TMEFF2: variants seen among roughly 807,000 people sequenced by gnomAD.
TMEFF2 encodes transmembrane protein with EGF like and two follistatin like domains 2, also known as tomoregulin-2.
In TMEFF2, 28 loss-of-function variants were observed where a neutral mutation model predicts 53.8. The observed-to-expected ratio is 0.52, with a 90% CI of 0.39 to 0.71. The LOEUF (loss-of-function observed/expected upper bound fraction) is 0.71, where lower values mean the gene tolerates loss of function less well. Ranked by LOEUF, TMEFF2 falls within the 30% of genes least tolerant of loss-of-function variation. The pLI is 0.00. For synonymous variants in TMEFF2, 162 were observed against 166.3 expected (o/e 0.97, Z 0.20); for missense variants, 353 against 455.2 (o/e 0.78, Z 2.04).
intron 4 of TMEFF2, among the ~76,000 whole-genome samples, chr2:192,164,895 T>G (rs1254389296): frequency 6.6e-6 from 1 of 152,174 alleles, no homozygotes; most frequent in Admixed American, 6.6e-5. Flanking sequence ...TATTATGCTA[T>G]GTTATCAATG....
At chr2:192,031,356 A>C (rs1687132269) in intron 5 of TMEFF2, 1 of 152,142 alleles carries the variant, frequency 6.6e-6, no homozygotes, top group African/African-American at 2.4e-5. Flanking sequence ...ACAATGCCTG[A>C]CACTTAGCAG....
intron 4 of TMEFF2, among the ~76,000 whole-genome samples, chr2:192,099,751 A>G (rs998172805): frequency 2.0e-5 from 3 of 151,278 alleles, no homozygotes; most frequent in African/African-American, 7.3e-5. Context: ...ATGCATATGT[A>G]TTCCCACAAT....
At chr2:192,129,203 TGA>T (rs1377201719) in intron 4 of TMEFF2, among the ~76,000 whole-genome samples, 1 of 152,222 alleles carries the variant, frequency 6.6e-6, no homozygotes, top group Admixed American at 6.5e-5. Context: ...ATTGGTTCCC[TGA>T]GAGTTCCTCA....
At position 192,175,851 on chromosome 2, in the gene TMEFF2, T is replaced by C. The variant is rs373289287; in HGVS notation, c.439+3817A>G. On this transcript the variant is annotated intron_variant, in intron 4 of 9. Coordinates refer to ENST00000272771, the MANE Select transcript of TMEFF2 (RefSeq NM_016192.4). ...TATGGTTTTAATTTCACCAGACTTA[T>C]TTATTTTTCAGAATCTAACAAAGAT... 1.1e-4 allele frequency among the ~76,000 whole-genome samples: 17 copies of C among 151,588 alleles called. No homozygotes were observed. In the South Asian group the frequency reaches 2.9e-3, roughly 26 times the overall value.
chr2:191,981,330 A>G (rs984268995), intron 7 of TMEFF2, among the ~76,000 whole-genome samples: 24 of 63,370 alleles, frequency 3.8e-4, no homozygotes, highest in Non-Finnish European at 6.3e-4. Flanking sequence ...CCCTATGTCT[A>G]TAACATTTTT....
chr2:192,112,477 T>C (rs1397265187), intron 4 of TMEFF2, among the ~76,000 whole-genome samples: 1 of 152,194 alleles, frequency 6.6e-6, no homozygotes, highest in African/African-American at 2.4e-5. Flanking sequence ...GTACCTCTAT[T>C]GTATCCAGGA....
At chr2:192,007,641 T>C (rs1686530624) in intron 5 of TMEFF2, among the ~76,000 whole-genome samples, 1 of 151,914 alleles carries the variant, frequency 6.6e-6, no homozygotes, top group African/African-American at 2.4e-5. Context: ...GTCCAAGGAG[T>C]GACCTTTATC....
chr2:192,088,745 T>A (rs1407631810), intron 4 of TMEFF2, among the ~76,000 whole-genome samples: 2 of 152,126 alleles, frequency 1.3e-5, no homozygotes, highest in African/African-American at 4.8e-5. Context: ...AAAATTGGTT[T>A]CTTTTCTTCT....
At chr2:192,020,014 C>T (rs911748704) in intron 5 of TMEFF2, among the ~76,000 whole-genome samples, 1 of 151,966 alleles carries the variant, frequency 6.6e-6, no homozygotes, top group African/African-American at 2.4e-5. Flanking sequence ...TCTAGGAAAC[C>T]ATTCTGTTGG....
chr2:191,977,483 G>A (rs1312724586), intron 7 of TMEFF2, among the ~76,000 whole-genome samples: 2 of 152,150 alleles, frequency 1.3e-5, no homozygotes, highest in East Asian at 3.9e-4. Context: ...AGTTGAAGGA[G>A]CTCTAGACAG....
intron 4 of TMEFF2, among the ~76,000 whole-genome samples, chr2:192,150,600 T>C (rs2105999839): frequency 6.6e-6 from 1 of 151,792 alleles, no homozygotes; most frequent in South Asian, 2.1e-4. Flanking sequence ...AGTTCTCTTC[T>C]GGTTTGGGTT....
chr2:192,022,118 G>A (rs1686872644), intron 5 of TMEFF2: 1 of 152,252 alleles, frequency 6.6e-6, no homozygotes, highest in African/African-American at 2.4e-5. Flanking sequence ...TGCACCTGCT[G>A]ATCACACTGA....
In TMEFF2 at chr2:192,022,859, A is replaced by G. The variant is rs867518710; in HGVS notation, c.537-23651T>C. ...TTACTACTTGCCAGGAGCTGTGCTAAGTGCTTTCTAGATAAATTACATTCT... is the reference window on the plus strand; with the variant it reads ...TTACTACTTGCCAGGAGCTGTGCTAGGTGCTTTCTAGATAAATTACATTCT... On this transcript the variant is annotated intron_variant, in intron 5 of 9. Coordinates refer to ENST00000272771, the MANE Select transcript of TMEFF2 (RefSeq NM_016192.4). Among the ~76,000 whole-genome samples, 16 of 152,316 alleles carry G rather than the reference A, an allele frequency of 1.1e-4. No homozygotes were observed. In the South Asian group the frequency reaches 3.3e-3, roughly 32 times the overall value.
chr2:191,951,212 T>C (rs1413959873), intron 9 of TMEFF2, among the ~76,000 whole-genome samples: 1 of 151,784 alleles, frequency 6.6e-6, no homozygotes, highest in East Asian at 1.9e-4. Context: ...TATGTATAGT[T>C]TTAGAGGGAG....
chr2:192,116,476 A>G (rs912898584), intron 4 of TMEFF2, among the ~76,000 whole-genome samples: 1 of 152,084 alleles, frequency 6.6e-6, no homozygotes, highest in Non-Finnish European at 1.5e-5. Context: ...GTAAATCACA[A>G]GATTTGCCTA....
intron 4 of TMEFF2, among the ~76,000 whole-genome samples, chr2:192,176,547 G>A (rs1691049740): frequency 6.6e-6 from 1 of 151,278 alleles, no homozygotes; most frequent in Admixed American, 6.6e-5. Context: ...CATGTTGGAA[G>A]CACAGTAAAT....
At chr2:192,029,165 T>C (rs1228251350) in intron 5 of TMEFF2, 1 of 151,648 alleles carries the variant, frequency 6.6e-6, no homozygotes, top group Non-Finnish European at 1.5e-5. Context: ...TTCTTAGGGG[T>C]TGGGGGAAGG....
At chr2:192,136,123 C>CT (rs1312729195) in intron 4 of TMEFF2, among the ~76,000 whole-genome samples, 1 of 152,090 alleles carries the variant, frequency 6.6e-6, no homozygotes, top group Non-Finnish European at 1.5e-5. Flanking sequence ...AGTATTTTTC[C>CT]TTTTTTTCAA....
intron 4 of TMEFF2, among the ~76,000 whole-genome samples, chr2:192,095,749 G>A (rs1688888095): frequency 1.3e-5 from 2 of 152,266 alleles, no homozygotes; most frequent in African/African-American, 4.8e-5. Flanking sequence ...CAGGCCTAGT[G>A]CTTTCTGCAC....
Sources: allele counts gnomAD v4.1 joint callset (sites outside exome capture counted in the v4.1 genomes callset), GRCh38; gene constraint gnomAD v4.1.1; transcripts MANE v1.5; gene names NCBI Gene and HGNC (gene_info 2026-07-23, HGNC 2026-07-21).